Variants in ULK4 observed in about 807,000 individuals in gnomAD.
ULK4 encodes the protein inactive serine/threonine-protein kinase ULK4.
Under a neutral mutation model 160.6 loss-of-function variants are expected in ULK4, and 133 were observed. That is an observed-to-expected ratio of 0.83 (90% CI 0.72 to 0.96). The LOEUF (loss-of-function observed/expected upper bound fraction) is 0.96, where lower values mean the gene tolerates loss of function less well. Ranked by LOEUF, ULK4 falls within the 40% of genes least tolerant of loss-of-function variation. The pLI, the probability that ULK4 is intolerant of heterozygous loss-of-function variation, is 0.00. For synonymous variants in ULK4, 534 were observed against 539.8 expected (o/e 0.99, Z 0.15); for missense variants, 1,580 against 1,499.5 (o/e 1.05, Z -0.89).
intron 35 of ULK4, among the ~76,000 whole-genome samples, chr3:41,391,339 C>T (rs2081953188): frequency 6.6e-6 from 1 of 152,058 alleles, no homozygotes; most frequent in Non-Finnish European, 1.5e-5. Flanking sequence ...ATTGAATTTA[C>T]TTTTAACTCA....
chr3:41,960,044 A>AT (rs11359429), intron 1 of ULK4, among the ~76,000 whole-genome samples: 18 of 148,710 alleles, frequency 1.2e-4, no homozygotes, highest in African/African-American at 3.9e-4. Context: ...TAAAATCTTG[A>AT]TTTTTTTTTT....
chr3:41,647,059 C>G (rs1013259042), intron 30 of ULK4, among the ~76,000 whole-genome samples: 1 of 152,178 alleles, frequency 6.6e-6, no homozygotes, highest in African/African-American at 2.4e-5. Context: ...CCTTTAAGCA[C>G]TTCTCTGTAT....
At chr3:41,551,460 T>C (rs1468047012) in intron 32 of ULK4, among the ~76,000 whole-genome samples, 1 of 151,532 alleles carries the variant, frequency 6.6e-6, no homozygotes. Flanking sequence ...GCTATAGAAA[T>C]ACAAAAGATC....
chr3:41,583,297 A>T (rs1233780899), intron 31 of ULK4, among the ~76,000 whole-genome samples: 1 of 152,140 alleles, frequency 6.6e-6, no homozygotes, highest in Non-Finnish European at 1.5e-5. Flanking sequence ...AAATTATTTT[A>T]TTATGAGTTT....
intron 12 of ULK4, among the ~76,000 whole-genome samples, chr3:41,901,729 C>T (rs1232431368): frequency 6.6e-6 from 1 of 151,856 alleles, no homozygotes; most frequent in African/African-American, 2.4e-5. Flanking sequence ...ATCCACCCAA[C>T]TTGGCCTCCC....
At chr3:41,558,762 G>A (rs1575411416) in intron 32 of ULK4, among the ~76,000 whole-genome samples, 1 of 151,712 alleles carries the variant, frequency 6.6e-6, no homozygotes, top group Admixed American at 6.6e-5. Flanking sequence ...AAATTCTTCG[G>A]TGGGCGGGGG....
intron 27 of ULK4, among the ~76,000 whole-genome samples, chr3:41,703,485 C>T (rs189527702): frequency 6.6e-6 from 1 of 151,580 alleles, no homozygotes; most frequent in African/African-American, 2.4e-5. Context: ...ACTATATATA[C>T]CAAAACTTGT....
At chr3:41,276,391 C>T (rs1044590118) in intron 35 of ULK4, among the ~76,000 whole-genome samples, 1 of 152,208 alleles carries the variant, frequency 6.6e-6, no homozygotes, top group African/African-American at 2.4e-5. Context: ...TCCCATGACT[C>T]AAAGTTTTGG....
intron 32 of ULK4, among the ~76,000 whole-genome samples, chr3:41,554,309 C>T (rs1446492536): frequency 6.6e-6 from 1 of 152,130 alleles, no homozygotes; most frequent in Non-Finnish European, 1.5e-5. Flanking sequence ...ATATCATATT[C>T]AGTCTACAGA....
intron 34 of ULK4, among the ~76,000 whole-genome samples, chr3:41,426,836 C>T (rs1268624346): frequency 2.0e-5 from 3 of 151,968 alleles, no homozygotes; most frequent in South Asian, 4.1e-4. Context: ...AATCAATACC[C>T]TAACATCACA....
At chr3:41,900,518 A>T (rs1270963965) in intron 13 of ULK4, among the ~76,000 whole-genome samples, 1 of 152,178 alleles carries the variant, frequency 6.6e-6, no homozygotes, top group African/African-American at 2.4e-5. Context: ...GAAAACTTAG[A>T]ACTCCAGTGA....
At chr3:41,892,711 C>T (rs1301262379) in intron 16 of ULK4, among the ~76,000 whole-genome samples, 1 of 152,178 alleles carries the variant, frequency 6.6e-6, no homozygotes, top group Non-Finnish European at 1.5e-5. Context: ...AACCATCAGG[C>T]CTCCCAGATA....
At position 41,280,898 on chromosome 3, in the gene ULK4, T is replaced by C. The variant is rs951343903; in HGVS notation, c.3679-31324A>G. Among the ~76,000 whole-genome samples, 4 of 151,872 alleles carry C rather than the reference T, an allele frequency of 2.6e-5. No homozygotes were observed. The East Asian group carries it at 5.8e-4, about 22-fold the overall frequency. ...TGGTTTTTTGAAAAGAGCAACAAAATAGACTGCTCGCAAGACTAATAAAGA... is the reference window on the plus strand; with the variant it reads ...TGGTTTTTTGAAAAGAGCAACAAAACAGACTGCTCGCAAGACTAATAAAGA... On this transcript the variant is annotated intron_variant, in intron 35 of 36. Transcript: ENST00000301831.
At chr3:41,283,953 C>G (rs1266646915) in intron 35 of ULK4, among the ~76,000 whole-genome samples, 1 of 148,530 alleles carries the variant, frequency 6.7e-6, no homozygotes, top group Non-Finnish European at 1.5e-5. Context: ...ACCCCTTTTA[C>G]AATAGCTGCC....
chr3:41,667,154 T>TA (rs1200739715), intron 29 of ULK4, among the ~76,000 whole-genome samples: 314 of 139,898 alleles, frequency 2.2e-3, no homozygotes, highest in Middle Eastern at 3.6e-3. Context: ...ACTCTGTCTC[T>TA]AAAAAAAAAA....
chr3:41,646,838 T>C (rs958282157), intron 30 of ULK4, among the ~76,000 whole-genome samples: 2 of 152,202 alleles, frequency 1.3e-5, no homozygotes, highest in Non-Finnish European at 2.9e-5. Flanking sequence ...ACCAATCAGA[T>C]ACAGATTTGG....
At chr3:41,788,366 T>G (rs778603098) in intron 21 of ULK4, among the ~76,000 whole-genome samples, 1 of 152,188 alleles carries the variant, frequency 6.6e-6, no homozygotes, top group Non-Finnish European at 1.5e-5. Context: ...ACCTTCATCA[T>G]GTTTTGCAAA....
intron 19 of ULK4, among the ~76,000 whole-genome samples, chr3:41,818,354 A>G (rs1418793508): frequency 6.6e-6 from 1 of 152,110 alleles, no homozygotes; most frequent in African/African-American, 2.4e-5. Context: ...TATGTGTTTG[A>G]CACATTCCAC....
chr3:41,893,276 A>G (rs1476997200), intron 16 of ULK4, among the ~76,000 whole-genome samples: 3 of 152,236 alleles, frequency 2.0e-5, no homozygotes, highest in Non-Finnish European at 4.4e-5. Flanking sequence ...AAAAATGGCT[A>G]AAATGGAATA....
Sources: gnomAD v4.1 joint callset for allele counts (sites outside exome capture counted in the v4.1 genomes callset) on GRCh38, gnomAD v4.1.1 for gene constraint, MANE v1.5 for transcripts, NCBI Gene and HGNC (gene_info 2026-07-23, HGNC 2026-07-21) for gene names.